Variants in AHI1 observed in about 807,000 individuals in gnomAD.
AHI1 encodes the protein jouberin.
A neutral mutation model predicts 149.3 loss-of-function variants in AHI1; 123 were observed. The ratio of observed to expected loss-of-function variants is 0.82; its 90% CI spans 0.71 to 0.96. AHI1 has a LOEUF of 0.96. AHI1 is among the 40% of genes least tolerant of loss of function. The pLI is 0.00. For missense variants in AHI1, 1,439 were observed against 1,422.7 expected (o/e 1.01, Z -0.18); for synonymous variants, 475 against 459.8 (o/e 1.03, Z -0.42).
Position 135,463,265 on chromosome 6 carries a change from T to C in AHI1, c.791A>G (p.Lys264Arg), listed in dbSNP as rs1030797057. 6.2e-7 allele frequency: 1 copy of C among 1,610,772 alleles called. No individual in the cohort carries two copies. The highest frequency in any genetic ancestry group is 1.3e-5 in the African/African-American group (1 of 74,620). The change falls in exon 8 of 29, where the codon AAG (lysine) becomes AGG (arginine). Residue 264 changes from lysine (K) to arginine (R), a missense_variant. By Grantham distance (26) the Lys-to-Arg change is conservative (BLOSUM62 2). Transcript: ENST00000265602. ...ISGDTVEGEQ[K>R]KESSVRSVSS... ...AACTGATCTAACTGAAGATTCTTTC[T>C]TTTGTTCACCTTCAACTGTGTCACC... is the stretch of plus-strand genomic sequence containing the variant.
At chr6:135,448,063 A>G (rs1162554866) in intron 12 of AHI1, among the ~76,000 whole-genome samples, 1 of 152,220 alleles carries the variant, frequency 6.6e-6, no homozygotes, top group Non-Finnish European at 1.5e-5. Flanking sequence ...ATTTTTGAAA[A>G]TCAAATTATA....
In AHI1 at chr6:135,427,062, A is replaced by G. The variant is rs2757639; in HGVS notation, c.2764+105T>C. On this transcript the variant is annotated intron_variant, in intron 20 of 28. Transcript: ENST00000265602. ...GTGATTCCAACATAAGGGCACAATT[A>G]TTATGTGTACTTTTGTCAACATTTG... 0.93 allele frequency: 1,071,440 copies of G among 1,153,620 alleles called. 498,956 individuals are homozygous for G. The highest frequency in any genetic ancestry group is 0.97 in the East Asian group (37,273 of 38,534). 71.5% of individuals were successfully genotyped at this position (1,153,620 alleles called of 1,614,324 possible). A position where few individuals can be genotyped will look rare whatever the true frequency, so the allele number is the denominator to read the frequency against.
chr6:135,475,585 A>C (rs976425556), intron 5 of AHI1, among the ~76,000 whole-genome samples: 2 of 152,198 alleles, frequency 1.3e-5, no homozygotes, highest in Non-Finnish European at 2.9e-5. Context: ...CTGCCTCTAC[A>C]CAAAGCCCAC....
intron 20 of AHI1, among the ~76,000 whole-genome samples, chr6:135,423,266 T>A (rs528306196): frequency 4.2e-4 from 64 of 152,316 alleles, no homozygotes; most frequent in African/African-American, 1.5e-3. Context: ...TCTCAGCATA[T>A]ATTTTTATAA....
chr6:135,341,392 A>G (rs1562535364), intron 24 of AHI1, among the ~76,000 whole-genome samples: 4 of 152,034 alleles, frequency 2.6e-5, no homozygotes, highest in Admixed American at 1.3e-4. Context: ...AGGGTCAACC[A>G]ATCAGGAAGA....
At chr6:135,451,714 T>C (rs1252748391) in intron 11 of AHI1, among the ~76,000 whole-genome samples, 2 of 152,206 alleles carry the variant, frequency 1.3e-5, no homozygotes, top group Non-Finnish European at 1.5e-5. Context: ...CCCTGAAATA[T>C]GTTACTGCTT....
intron 24 of AHI1, among the ~76,000 whole-genome samples, chr6:135,332,595 A>G (rs1788763496): frequency 1.3e-5 from 2 of 152,248 alleles, no homozygotes; most frequent in African/African-American, 4.8e-5. Flanking sequence ...TCATCAAACC[A>G]AAACTAACTT....
At chr6:135,364,453 G>A (rs368260864) in intron 23 of AHI1, among the ~76,000 whole-genome samples, 5 of 147,608 alleles carry the variant, frequency 3.4e-5, no homozygotes, top group East Asian at 2.0e-4. Context: ...GACGATGGGC[G>A]GCCAGGCGGA....
intron 13 of AHI1, among the ~76,000 whole-genome samples, 167 bp downstream of exon 13, chr6:135,446,840 AC>A (rs1396672906): frequency 6.6e-6 from 1 of 152,150 alleles, no homozygotes; most frequent in African/African-American, 2.4e-5. Context: ...CATGCTAGGC[AC>A]TCTATTATTA....
intron 15 of AHI1, chr6:135,435,118 T>C (rs1785210201): frequency 6.6e-6 from 1 of 152,204 alleles, no homozygotes; most frequent in Non-Finnish European, 1.5e-5. Context: ...TAATTCTCTT[T>C]CTTTGGACAA....
At position 135,453,421 on chromosome 6, in the gene AHI1, T is replaced by G; in HGVS notation, c.1360A>C (p.Ser454Arg). The G allele has an allele frequency of 6.4e-7, 1 of 1,553,516 alleles. No individual in the cohort carries two copies. ...GAATTATTCTTAATTTCATCCACGC[T>G]TAAGAAATCAAGAATCTGCAAATAA... ...ILFFEILDFL[S>R]VDEIKNNSEV... The change falls in exon 11 of 29, where the codon AGC becomes CGC. Residue 454 changes from serine to arginine, a missense_variant. Coordinates refer to ENST00000265602, the MANE Select transcript of AHI1 (RefSeq NM_001134831.2).
At chr6:135,380,084 A>G (rs1192350371) in intron 23 of AHI1, among the ~76,000 whole-genome samples, 1 of 148,348 alleles carries the variant, frequency 6.7e-6, no homozygotes, top group Non-Finnish European at 1.5e-5. Flanking sequence ...ATTTTGCTTA[A>G]TTCTCAGCTA....
At chr6:135,446,100 C>G (rs1430956815) in intron 13 of AHI1, among the ~76,000 whole-genome samples, 1 of 151,950 alleles carries the variant, frequency 6.6e-6, no homozygotes, top group African/African-American at 2.4e-5. Context: ...ATTGCCCAGG[C>G]TAAAAATCTA....
rs375280650 is a variant in AHI1, at chr6:135,419,398, C to T, written c.2764+7769G>A. Among the ~76,000 whole-genome samples, 8 of 152,106 alleles carry T rather than the reference C, an allele frequency of 5.3e-5. 1 individual carries two copies. The highest frequency in any genetic ancestry group is 4.1e-4 in the South Asian group (2 of 4,820). ...GCTACAGAGAATAGCTACAATTTCC[C>T]GACTGCAGCCTAGTTCATGAACTCT... On this transcript the variant is annotated intron_variant, in intron 20 of 28. Transcript: ENST00000265602.
intron 23 of AHI1, chr6:135,387,954 A>C: frequency 1.9e-6 from 3 of 1,613,392 alleles, no homozygotes; most frequent in Non-Finnish European, 2.5e-6. Flanking sequence ...AGGTCGGCTC[A>C]GTTCTTCTGG....
chr6:135,480,022 A>G (rs1324538173), intron 5 of AHI1, among the ~76,000 whole-genome samples: 3 of 152,158 alleles, frequency 2.0e-5, no homozygotes, highest in African/African-American at 7.2e-5. Context: ...CTCCCCAGCC[A>G]TGCCCCTCCA....
In AHI1 at chr6:135,457,712, AACT is replaced by A. The variant is rs1789200069; in HGVS notation, c.932-2_932del. ...CATCAACATCTTCATTATTATCTGC[AACT>A]ACACGCATGGAAAAAAAAATCAATG... On this transcript the variant is annotated splice_acceptor_variant and coding_sequence_variant, in exon 9 of 29. Transcript: ENST00000265602. LOFTEE classifies it high-confidence loss of function. 7 of 1,613,332 alleles carry A rather than the reference AACT, an allele frequency of 4.3e-6. No individual in the cohort carries two copies. Among genetic ancestry groups the A allele is most frequent in the Middle Eastern group, 1.6e-4 (1 of 6,062 alleles).
intron 24 of AHI1, among the ~76,000 whole-genome samples, chr6:135,351,782 T>C (rs1248954952): frequency 6.6e-6 from 1 of 152,172 alleles, no homozygotes; most frequent in African/African-American, 2.4e-5. Context: ...GATAAACAGC[T>C]CTGTGGAATA....
intron 5 of AHI1, among the ~76,000 whole-genome samples, chr6:135,479,892 CTGAGA>C (rs1003931960): frequency 6.6e-6 from 1 of 152,106 alleles, no homozygotes. Context: ...ATGAGTTCTC[CTGAGA>C]TCCTGTTGTT....
Sources: gnomAD v4.1 joint callset for allele counts (sites outside exome capture counted in the v4.1 genomes callset) on GRCh38, gnomAD v4.1.1 for gene constraint, MANE v1.5 for transcripts, NCBI Gene and HGNC (gene_info 2026-07-23, HGNC 2026-07-21) for gene names.